The following VCAN variants were observed in gnomAD, a reference collection of about 807,000 sequenced individuals.
The protein encoded by VCAN is versican, also known as versican core protein.
In VCAN, 44 loss-of-function variants were observed where a neutral mutation model predicts 245.5. That is an observed-to-expected ratio of 0.18 (90% CI 0.14 to 0.23). VCAN has a LOEUF of 0.23. Ranked by LOEUF, VCAN falls within the 10% of genes least tolerant of loss-of-function variation. The probability of loss-of-function intolerance (pLI) is 1.00; values close to 1 mark genes in which losing one functional copy is unlikely to be tolerated. For missense variants in VCAN, 3,793 were observed against 4,057.9 expected (o/e 0.93, Z 1.77); for synonymous variants, 1,413 against 1,437.0 (o/e 0.98, Z 0.38).
At chr5:83,562,972 C>G (rs1297122395) in intron 12 of VCAN, among the ~76,000 whole-genome samples, 1 of 152,146 alleles carries the variant, frequency 6.6e-6, no homozygotes, top group East Asian at 1.9e-4. Context: ...GATTGTCTTT[C>G]CCGCACAGAG....
intron 6 of VCAN, among the ~76,000 whole-genome samples, chr5:83,513,951 G>A (rs1745756701): frequency 6.6e-6 from 1 of 151,964 alleles, no homozygotes; most frequent in South Asian, 2.1e-4. Flanking sequence ...AATAAAACTG[G>A]CACTGGAAAA....
chr5:83,478,806 A>G (rs1375866766), intron 1 of VCAN, among the ~76,000 whole-genome samples: 1 of 152,244 alleles, frequency 6.6e-6, no homozygotes, highest in Non-Finnish European at 1.5e-5. Context: ...AGGAGTGAAC[A>G]AAACATCAAA....
At chr5:83,549,851 C>G (rs1219918041) in intron 10 of VCAN, among the ~76,000 whole-genome samples, 1 of 152,018 alleles carries the variant, frequency 6.6e-6, no homozygotes, top group African/African-American at 2.4e-5. Flanking sequence ...AGATTTTTTT[C>G]CTCTTTTCAG....
In VCAN at chr5:83,520,527, G is replaced by A. The variant is rs780449957; in HGVS notation, c.2221G>A (p.Val741Met). 2 of 1,614,008 alleles carry A rather than the reference G, an allele frequency of 1.2e-6. No homozygotes were observed. Among genetic ancestry groups the A allele is most frequent in the Non-Finnish European group, 1.7e-6 (2 of 1,179,970 alleles). The change falls in exon 7 of 15, where the codon GTG becomes ATG. Residue 741 changes from valine (V) to methionine (M), a missense_variant. By Grantham distance (21) the Val-to-Met change is conservative (BLOSUM62 1). Around this residue, in one of 5 missense-constraint regions of VCAN, gnomAD observed 3,182 missense variants for 3,250.3 expected, o/e 0.98. Coordinates refer to ENST00000265077, the MANE Select transcript of VCAN (RefSeq NM_004385.5). ...GCCAATTCATGTTACAGAGTCTTCT[G>A]TGGAAATGACCAAGTCTTTTGATTT... ...SEPIHVTESSVEMTKSFDFPT... is the reference protein window; with the variant it reads ...SEPIHVTESSMEMTKSFDFPT...
Position 83,541,429 on chromosome 5 carries a change from A to G in VCAN, c.8426A>G (p.Asp2809Gly). Residue 2809 changes from aspartate (D) to glycine (G), a missense_variant, in exon 8 of 15, where the codon GAT becomes GGT. Asp to Gly is a moderately conservative substitution (Grantham distance 94). Around this residue, in one of 5 missense-constraint regions of VCAN, gnomAD observed 3,182 missense variants for 3,250.3 expected, o/e 0.98. Transcript: ENST00000265077. ...GGATCCAATCCCCCATATTACACTG[A>G]TACAACATTAGCAGTTTCAACATTT... ...MEGSNPPYYT[D>G]TTLAVSTFAK... The G allele has an allele frequency of 1.2e-6, 2 of 1,614,086 alleles. No homozygotes were observed. Among genetic ancestry groups the G allele is most frequent in the South Asian group, 2.2e-5 (2 of 91,080 alleles).
intron 7 of VCAN, among the ~76,000 whole-genome samples, chr5:83,525,030 G>A (rs1746239723): frequency 1.3e-5 from 2 of 149,274 alleles, no homozygotes; most frequent in South Asian, 2.1e-4. Context: ...TGCACTCAGC[G>A]AGTCATATAA....
intron 7 of VCAN, among the ~76,000 whole-genome samples, chr5:83,522,779 T>TC (rs1240504420): frequency 1.3e-5 from 2 of 152,216 alleles, no homozygotes; most frequent in Non-Finnish European, 2.9e-5. Context: ...GTTTTTCTCT[T>TC]CCAGGATTTT....
chr5:83,508,355 T>A (rs1745542452), intron 5 of VCAN, among the ~76,000 whole-genome samples: 1 of 152,212 alleles, frequency 6.6e-6, no homozygotes, highest in Non-Finnish European at 1.5e-5. Context: ...TTCCAAAATA[T>A]TCCACAAAAC....
chr5:83,546,783 T>C (rs1747243968), intron 9 of VCAN, among the ~76,000 whole-genome samples: 1 of 152,158 alleles, frequency 6.6e-6, no homozygotes, highest in South Asian at 2.1e-4. Flanking sequence ...CTATATAATA[T>C]CATGTTTACT....
At chr5:83,523,937 A>G (rs1437680275) in intron 7 of VCAN, among the ~76,000 whole-genome samples, 1 of 152,172 alleles carries the variant, frequency 6.6e-6, no homozygotes, top group Non-Finnish European at 1.5e-5. Context: ...CAAAAAGTAA[A>G]TGACTACCAA....
intron 5 of VCAN, among the ~76,000 whole-genome samples, chr5:83,506,472 C>T (rs1232359821): frequency 6.6e-6 from 1 of 152,076 alleles, no homozygotes; most frequent in Non-Finnish European, 1.5e-5. Context: ...TTCCAGTCCC[C>T]AAGTCCTTCA....
chr5:83,580,462 A>C lies in VCAN; in HGVS notation c.*28A>C. ...CCTAAAATGGCGAACATGTGTTTTCATCATTTCAGCCAAAGTCCTAACTTC... is the reference window on the plus strand; with the variant it reads ...CCTAAAATGGCGAACATGTGTTTTCCTCATTTCAGCCAAAGTCCTAACTTC... On this transcript the variant is annotated 3_prime_UTR_variant, in exon 15 of 15. Transcript: ENST00000265077. The C allele has an allele frequency of 6.2e-7, 1 of 1,613,214 alleles. No homozygotes were observed. Among genetic ancestry groups the C allele is most frequent in the South Asian group, 1.1e-5 (1 of 90,956 alleles).
At chr5:83,506,847 G>A (rs1278286704) in intron 5 of VCAN, among the ~76,000 whole-genome samples, 2 of 152,174 alleles carry the variant, frequency 1.3e-5, no homozygotes, top group African/African-American at 4.8e-5. Context: ...CTTCTTACAT[G>A]GCAGCGGCAA....
rs144173960 is a variant in VCAN, at chr5:83,541,562, C to T, written c.8559C>T (p.Asp2853=). 42 of 1,613,856 alleles carry T rather than the reference C, an allele frequency of 2.6e-5. No homozygotes were observed. Among genetic ancestry groups the T allele is most frequent in the Non-Finnish European group, 3.1e-5 (37 of 1,179,980 alleles). ...AGCCCAGTGCTCTGCCAGGAATAGA[C>T]GTCGGCTCATCTGTAATGTCCCCAC... ...IPQPSALPGI[D]VGSSVMSPQD... is the part of the protein sequence containing the mutation. The change falls in exon 8 of 15, where the codon GAC becomes GAT. Residue 2853 remains aspartate (D), a synonymous_variant. Coordinates refer to ENST00000265077, the MANE Select transcript of VCAN (RefSeq NM_004385.5).
intron 5 of VCAN, among the ~76,000 whole-genome samples, chr5:83,506,526 C>T (rs200259124): frequency 6.6e-6 from 1 of 151,688 alleles, no homozygotes; most frequent in Non-Finnish European, 1.5e-5. Flanking sequence ...TTGTCAATAT[C>T]ATCAGCATTT....
chr5:83,512,108 G>C lies in VCAN; in HGVS notation c.754G>C (p.Val252Leu). The C allele has an allele frequency of 6.2e-7, 1 of 1,613,724 alleles. No homozygotes were observed. The highest frequency in any genetic ancestry group is 8.5e-7 in the Non-Finnish European group (1 of 1,179,956). ...TTCCCTTCTTTTTTTTCCAGGTGAT[G>C]TGTTCCACCTCACTGTCCCCAGTAA... ...YCYVDHLDGD[V>L]FHLTVPSKFT... Residue 252 changes from valine to leucine, a missense_variant, in exon 6 of 15, where the codon GTG becomes CTG. Physicochemically the swap from Val to Leu is conservative, Grantham distance 32. Coordinates refer to ENST00000265077, the MANE Select transcript of VCAN (RefSeq NM_004385.5).
At chr5:83,561,796 G>A (rs1179092424) in intron 12 of VCAN, among the ~76,000 whole-genome samples, 2 of 152,126 alleles carry the variant, frequency 1.3e-5, no homozygotes, top group African/African-American at 4.8e-5. Flanking sequence ...AACCATTATT[G>A]TTTTTCTGCA....
chr5:83,532,310 G>A (rs1197012480), intron 7 of VCAN, among the ~76,000 whole-genome samples: 1 of 152,034 alleles, frequency 6.6e-6, no homozygotes, highest in Non-Finnish European at 1.5e-5. Context: ...CTAAGAGGGG[G>A]CAAGTAGGAT....
intron 6 of VCAN, 55 bp downstream of exon 6, chr5:83,512,451 C>T: frequency 6.3e-7 from 1 of 1,582,828 alleles, no homozygotes; most frequent in South Asian, 1.1e-5. Context: ...TGCTTCGAAG[C>T]ATGCATTGAT....
Sources: gnomAD v4.1 joint callset for allele counts (sites outside exome capture counted in the v4.1 genomes callset) on GRCh38, gnomAD v4.1.1 for gene constraint, gnomAD v4.1.1 regional missense constraint, MANE v1.5 for transcripts, NCBI Gene and HGNC (gene_info 2026-07-23, HGNC 2026-07-21) for gene names.